IFT81: variants seen among roughly 807,000 people sequenced by gnomAD.
IFT81 encodes the protein intraflagellar transport 81, also known as intraflagellar transport protein 81 homolog.
In IFT81, 72 loss-of-function variants were observed where a neutral mutation model predicts 102.6. The ratio of observed to expected loss-of-function variants is 0.70; its 90% confidence interval spans 0.58 to 0.85. The LOEUF (loss-of-function observed/expected upper bound fraction) is 0.85. Ranked by LOEUF, IFT81 falls within the 40% of genes least tolerant of loss-of-function variation. The probability of loss-of-function intolerance (pLI) is 0.00; values close to 1 mark genes in which losing one functional copy is unlikely to be tolerated. For synonymous variants in IFT81, 237 were observed against 242.7 expected (o/e 0.98, Z 0.22); for missense variants, 723 against 787.3 (o/e 0.92, Z 0.98).
intron 12 of IFT81, among the ~76,000 whole-genome samples, chr12:110,181,096 CT>C (rs536711512): frequency 1.2e-4 from 18 of 149,506 alleles, no homozygotes; most frequent in African/African-American, 3.9e-4. Context: ...CTTCATTTGG[CT>C]TTTTTTTTTC....
intron 14 of IFT81, among the ~76,000 whole-genome samples, chr12:110,201,906 A>G (rs1898300163): frequency 6.6e-6 from 1 of 152,336 alleles, no homozygotes; most frequent in South Asian, 2.1e-4. Flanking sequence ...ATCTCCTGTA[A>G]CAATGCCTTC....
chr12:110,206,143 T>C (rs1380005974), intron 17 of IFT81, among the ~76,000 whole-genome samples: 1 of 152,246 alleles, frequency 6.6e-6, no homozygotes, highest in Non-Finnish European at 1.5e-5. Flanking sequence ...CCACATGGCC[T>C]AGACTCTAGT....
At chr12:110,172,951 GCCCCCGCCAGGCCAGCCGCCCTGTCCA>G (rs1896826550) in intron 11 of IFT81, among the ~76,000 whole-genome samples, 1 of 117,868 alleles carries the variant, frequency 8.5e-6, no homozygotes, top group African/African-American at 3.2e-5. Flanking sequence ...GTGGGGGTCA[GCCCCCGCCAGGCCAGCCGCCCTGTCCA>G]GGAGGGAGGT....
intron 8 of IFT81, among the ~76,000 whole-genome samples, chr12:110,139,866 T>TAAATAAA (rs1477964163): frequency 7.7e-6 from 1 of 130,092 alleles, no homozygotes; most frequent in African/African-American, 3.1e-5. Flanking sequence ...TAAAATAAAA[T>TAAATAAA]ATAAAATAAA....
chr12:110,153,477 G>A (rs947974415), intron 10 of IFT81, among the ~76,000 whole-genome samples: 5 of 151,194 alleles, frequency 3.3e-5, no homozygotes, highest in Non-Finnish European at 7.4e-5. Flanking sequence ...GACCTCAGCC[G>A]ATCCACCTGC....
intron 10 of IFT81, among the ~76,000 whole-genome samples, chr12:110,160,155 T>C (rs1175573857): frequency 6.6e-6 from 1 of 152,132 alleles, no homozygotes; most frequent in East Asian, 1.9e-4. Context: ...ATATATCCTA[T>C]TGGTTAGTCA....
chr12:110,142,160 C>CT (rs1302447234), intron 8 of IFT81, among the ~76,000 whole-genome samples: 1 of 152,032 alleles, frequency 6.6e-6, no homozygotes, highest in Non-Finnish European at 1.5e-5. Flanking sequence ...TACTTTGTTT[C>CT]TTTTTTCTTT....
intron 1 of IFT81, among the ~76,000 whole-genome samples, chr12:110,125,625 C>T (rs1893787440): frequency 6.6e-6 from 1 of 152,194 alleles, no homozygotes; most frequent in Non-Finnish European, 1.5e-5. Context: ...GAACTCCTGA[C>T]CTCAAGTGAT....
intron 10 of IFT81, among the ~76,000 whole-genome samples, chr12:110,150,481 C>T (rs898906028): frequency 6.6e-6 from 1 of 152,142 alleles, no homozygotes; most frequent in African/African-American, 2.4e-5. Flanking sequence ...GCATACTAAT[C>T]CTTCCAGTTC....
chr12:110,177,603 T>A (rs1469693787), intron 11 of IFT81, among the ~76,000 whole-genome samples: 1 of 152,180 alleles, frequency 6.6e-6, no homozygotes, highest in Non-Finnish European at 1.5e-5. Flanking sequence ...AAAGTTTAAG[T>A]CAAATTTTAA....
intron 10 of IFT81, among the ~76,000 whole-genome samples, chr12:110,155,642 A>G (rs972428482): frequency 1.3e-5 from 2 of 152,112 alleles, no homozygotes; most frequent in African/African-American, 4.8e-5. Context: ...CATTCTGCCA[A>G]TCACTGTCTT....
chr12:110,203,058 G>A (rs1447632549), intron 14 of IFT81, among the ~76,000 whole-genome samples: 2 of 152,194 alleles, frequency 1.3e-5, no homozygotes, highest in East Asian at 3.9e-4. Flanking sequence ...CTGAGATCAG[G>A]AGTTCAAGAC....
chr12:110,129,656 C>G (rs980670304), intron 4 of IFT81, among the ~76,000 whole-genome samples: 4 of 152,084 alleles, frequency 2.6e-5, no homozygotes, highest in Non-Finnish European at 4.4e-5. Context: ...AGTTTGAAAT[C>G]TCAGTGCACC....
rs1300280742 is a variant in IFT81 at position 110,153,842 on chromosome 12, T to A, written c.1041+6794T>A. On this transcript the variant is annotated intron_variant, in intron 10 of 18. Coordinates refer to ENST00000242591, the MANE Select transcript of IFT81 (RefSeq NM_014055.4). ...ACTAAAGGTCAGGGTGGTCTTGAAC[T>A]CCCGACCTCAGCTGATCCACCTGCC... Among the ~76,000 whole-genome samples, 4 of 148,130 alleles carry A rather than the reference T, an allele frequency of 2.7e-5. No homozygotes were observed. In the East Asian group the frequency reaches 8.2e-4, roughly 30 times the overall value.
At chr12:110,136,327 G>C (rs1020468718) in intron 7 of IFT81, among the ~76,000 whole-genome samples, 1 of 152,186 alleles carries the variant, frequency 6.6e-6, no homozygotes, top group Non-Finnish European at 1.5e-5. Flanking sequence ...CAGTTTAAAT[G>C]TTTGATTTTG....
intron 18 of IFT81, among the ~76,000 whole-genome samples, chr12:110,209,886 A>C (rs1223198175): frequency 6.6e-6 from 1 of 152,196 alleles, no homozygotes; most frequent in Non-Finnish European, 1.5e-5. Context: ...GCGCTTTACA[A>C]ACATTGATTT....
At chr12:110,191,986 C>CAT (rs1195607882) in intron 13 of IFT81, among the ~76,000 whole-genome samples, 3 of 152,046 alleles carry the variant, frequency 2.0e-5, no homozygotes, top group Admixed American at 2.0e-4. Flanking sequence ...GCCTGGCCAA[C>CAT]ATGGTGAAAT....
rs1403348063 is a variant in IFT81 at position 110,127,387 on chromosome 12, G to A, written c.7G>A (p.Asp3Asn). The change falls in exon 2 of 19, where the codon GAT becomes AAT. Residue 3 changes from aspartate (D) to asparagine (N), a missense_variant. Physicochemically the swap from Asp to Asn is conservative, Grantham distance 23. Coordinates refer to ENST00000242591, the MANE Select transcript of IFT81 (RefSeq NM_014055.4). Reference protein sequence around the residue: MSDQIKFIMDSLN... With the variant: MSNQIKFIMDSLN... ...AAAATTATAAGACCTAATTATGAGT[G>A]ATCAAATTAAATTCATTATGGACAG... 4 of 1,574,796 alleles carry A rather than the reference G, an allele frequency of 2.5e-6. No individual in the cohort carries two copies. Among genetic ancestry groups the A allele is most frequent in the Non-Finnish European group, 3.4e-6 (4 of 1,164,952 alleles).
intron 5 of IFT81, 36 bp downstream of exon 5, chr12:110,132,672 G>A (rs750553171): frequency 1.8e-6 from 2 of 1,109,198 alleles, no homozygotes; most frequent in Non-Finnish European, 2.7e-6. Flanking sequence ...ATTTTTTTGG[G>A]ATTTGAATAA....
Sources: gnomAD v4.1 joint callset for allele counts (sites outside exome capture counted in the v4.1 genomes callset) on GRCh38, gnomAD v4.1.1 for gene constraint, MANE v1.5 for transcripts, NCBI Gene and HGNC (gene_info 2026-07-23, HGNC 2026-07-21) for gene names.